The following NKAIN2 variants were observed in gnomAD, a reference collection of about 807,000 sequenced individuals.
NKAIN2 encodes sodium/potassium-transporting ATPase subunit beta-1-interacting protein 2.
NKAIN2 carries 14 observed loss-of-function variants against 32.6 expected under a neutral mutation model. The ratio of observed to expected loss-of-function variants is 0.43; its 90% CI spans 0.28 to 0.67. The LOEUF (loss-of-function observed/expected upper bound fraction) is 0.67, where lower values mean the gene tolerates loss of function less well. Among genes scored for constraint, NKAIN2 ranks in the 30% least tolerant of loss-of-function variants. NKAIN2 has a pLI of 0.17. For missense variants in NKAIN2, 198 were observed against 258.3 expected (o/e 0.77, Z 1.60); for synonymous variants, 80 against 87.2 (o/e 0.92, Z 0.46).
chr6:124,794,764 C>A, intron 5 of NKAIN2: 1 of 321,004 alleles, frequency 3.1e-6, no homozygotes, highest in Non-Finnish European at 4.5e-6. Flanking sequence ...CACACCTAGA[C>A]AGTTATGAGT....
chr6:124,708,163 A>G lies in NKAIN2; in HGVS notation c.474+49777A>G, dbSNP rs566728287. ...GATCAGATAGTTGTAGATATGCGGC[A>G]TTATTTCTGAGGGCTCTGTTCTGTT... is the stretch of plus-strand genomic sequence containing the variant. On this transcript the variant is annotated intron_variant, in intron 4 of 6. Transcript: ENST00000368417. Among the ~76,000 whole-genome samples, 802 of 144,626 alleles carry G rather than the reference A, an allele frequency of 5.5e-3. 5 individuals are homozygous for G. The highest frequency in any genetic ancestry group is 0.019 in the African/African-American group (732 of 38,104). The allele number at this position is 144,626 out of a possible 152,430, so 94.9% of individuals were successfully genotyped here. A position where few individuals can be genotyped will look rare whatever the true frequency, so the allele number is the denominator to read the frequency against.
chr6:123,855,563 G>T (rs899168915), intron 1 of NKAIN2, among the ~76,000 whole-genome samples: 5 of 152,260 alleles, frequency 3.3e-5, no homozygotes, highest in African/African-American at 7.2e-5. Context: ...CACCATATTT[G>T]CCACCCAGCT....
intron 5 of NKAIN2, among the ~76,000 whole-genome samples, chr6:124,815,225 C>CATATATATAT (rs56841213): frequency 0.34 from 46,071 of 136,074 alleles, 9,451 homozygotes; most frequent in Non-Finnish European, 0.47. Flanking sequence ...TATATATATA[C>CATATATATAT]ATATATATAT....
intron 1 of NKAIN2, among the ~76,000 whole-genome samples, chr6:123,843,840 A>G (rs1374053010): frequency 1.3e-5 from 2 of 152,122 alleles, no homozygotes; most frequent in Non-Finnish European, 2.9e-5. Flanking sequence ...ATGCAGCTAA[A>G]GTCTCTCAGG....
At chr6:124,508,124 G>C (rs560859138) in intron 3 of NKAIN2, among the ~76,000 whole-genome samples, 2 of 151,062 alleles carry the variant, frequency 1.3e-5, no homozygotes, top group African/African-American at 4.8e-5. Context: ...GGGCACGATG[G>C]CACACACCTG....
intron 3 of NKAIN2, among the ~76,000 whole-genome samples, chr6:124,413,771 C>T (rs983198514): frequency 1.3e-5 from 2 of 151,954 alleles, no homozygotes; most frequent in Non-Finnish European, 2.9e-5. Context: ...TTGAATTTAC[C>T]CCTAAATATT....
intron 5 of NKAIN2, among the ~76,000 whole-genome samples, chr6:124,814,096 A>G (rs181790679): frequency 6.6e-6 from 1 of 152,322 alleles, no homozygotes; most frequent in East Asian, 1.9e-4. Context: ...CTCTCTATCT[A>G]CATGGCACCC....
chr6:124,131,821 G>T (rs1786493860), intron 1 of NKAIN2, among the ~76,000 whole-genome samples: 2 of 152,080 alleles, frequency 1.3e-5, no homozygotes, highest in African/African-American at 4.8e-5. Context: ...GGCTTGCAGG[G>T]TAAAAGAAGC....
Position 124,224,456 on chromosome 6 carries a change from A to T in NKAIN2, c.55-58549A>T, listed in dbSNP as rs190605223. On this transcript the variant is annotated intron_variant, in intron 1 of 6. Transcript: ENST00000368417. ...GACATTCACATCCTCTAAGAATTAGATGATTTCCCTTTCTTGTGTTGTTTC... is the reference window on the plus strand; with the variant it reads ...GACATTCACATCCTCTAAGAATTAGTTGATTTCCCTTTCTTGTGTTGTTTC... Among the ~76,000 whole-genome samples, 3 of 152,246 alleles carry T rather than the reference A, an allele frequency of 2.0e-5. No homozygotes were observed. The South Asian group carries it at 6.2e-4, about 32-fold the overall frequency.
chr6:124,565,831 A>C (rs905892291), intron 3 of NKAIN2, among the ~76,000 whole-genome samples: 1 of 152,304 alleles, frequency 6.6e-6, no homozygotes, highest in South Asian at 2.1e-4. Flanking sequence ...TATCTTATTT[A>C]CAGAAGGATG....
chr6:124,790,756 A>G (rs1779712719), intron 4 of NKAIN2, among the ~76,000 whole-genome samples: 1 of 152,086 alleles, frequency 6.6e-6, no homozygotes, highest in Admixed American at 6.6e-5. Flanking sequence ...GTGTAATGCC[A>G]TATTCAATGC....
chr6:123,861,657 A>G (rs976336043), intron 1 of NKAIN2, among the ~76,000 whole-genome samples: 5 of 152,222 alleles, frequency 3.3e-5, no homozygotes, highest in African/African-American at 9.6e-5. Context: ...AAATATGCCA[A>G]TTAATCATGT....
chr6:124,375,657 T>A (rs574685291), intron 3 of NKAIN2, among the ~76,000 whole-genome samples: 210 of 151,944 alleles, frequency 1.4e-3, no homozygotes, highest in Middle Eastern at 3.4e-3. Flanking sequence ...GTAGAGCAGA[T>A]AAAAATCAGA....
intron 4 of NKAIN2, among the ~76,000 whole-genome samples, chr6:124,741,279 T>C (rs1777195505): frequency 1.3e-5 from 2 of 151,698 alleles, no homozygotes; most frequent in African/African-American, 2.4e-5. Context: ...GCACTGGAGA[T>C]AGAAATTTGG....
intron 3 of NKAIN2, among the ~76,000 whole-genome samples, chr6:124,544,313 C>G (rs1251780310): frequency 4.7e-5 from 7 of 148,706 alleles, no homozygotes; most frequent in Admixed American, 2.7e-4. Flanking sequence ...CCTCCACCCC[C>G]ACCTCCCAAC....
intron 3 of NKAIN2, among the ~76,000 whole-genome samples, chr6:124,467,441 A>T (rs1011825423): frequency 6.6e-6 from 1 of 152,116 alleles, no homozygotes; most frequent in Non-Finnish European, 1.5e-5. Context: ...AAAAGACTTC[A>T]CTACAGTTAC....
intron 1 of NKAIN2, among the ~76,000 whole-genome samples, chr6:123,914,745 A>AAAAAGAGTAG (rs1383150013): frequency 6.6e-5 from 10 of 152,296 alleles, no homozygotes; most frequent in African/African-American, 1.9e-4. Context: ...GAGAAAAGGC[A>AAAAAGAGTAG]AAAAGAGTAG....
chr6:124,548,086 T>C (rs753519715), intron 3 of NKAIN2, among the ~76,000 whole-genome samples: 4 of 152,180 alleles, frequency 2.6e-5, no homozygotes, highest in Non-Finnish European at 5.9e-5. Context: ...GTATTTCTTT[T>C]CTCTTATGAA....
intron 1 of NKAIN2, among the ~76,000 whole-genome samples, chr6:124,021,894 CT>C (rs1312195830): frequency 6.6e-6 from 1 of 152,002 alleles, no homozygotes; most frequent in East Asian, 1.9e-4. Context: ...TAATCATACT[CT>C]TTTTTTATTA....
Sources: gnomAD v4.1 joint callset for allele counts (sites outside exome capture counted in the v4.1 genomes callset) on GRCh38, gnomAD v4.1.1 for gene constraint, MANE v1.5 for transcripts, NCBI Gene and HGNC (gene_info 2026-07-23, HGNC 2026-07-21) for gene names.